BCKDHB: variants seen among roughly 807,000 people sequenced by gnomAD.
BCKDHB encodes the protein 2-oxoisovalerate dehydrogenase subunit beta, mitochondrial.
A neutral mutation model predicts 48.5 loss-of-function variants in BCKDHB; 41 were observed. That is an observed-to-expected ratio of 0.85 (90% CI 0.66 to 1.10). The LOEUF is 1.10. BCKDHB is among the 50% of genes least tolerant of loss of function. BCKDHB has a pLI of 0.00. For missense variants in BCKDHB, 496 were observed against 494.2 expected, an observed-to-expected ratio of 1.00 and a Z score of -0.03; for synonymous variants, 201 against 174.8, an observed-to-expected ratio of 1.15 and a Z score of -1.18.
chr6:80,378,337 G>C, the BCKDHB span, among the ~76,000 whole-genome samples: 1 of 152,052 alleles, frequency 6.6e-6, no homozygotes, highest in African/African-American at 2.4e-5. Context: ...CGTGATATTT[G>C]ATTTTCCACT....
At chr6:80,121,797 C>T (rs909610237) in intron 1 of BCKDHB, among the ~76,000 whole-genome samples, 29 of 152,142 alleles carry the variant, frequency 1.9e-4, no homozygotes, top group Non-Finnish European at 2.9e-5. Context: ...ATCTCATCTG[C>T]AAACAGGGAC....
chr6:80,445,539 T>A, the BCKDHB span, among the ~76,000 whole-genome samples: 1 of 152,140 alleles, frequency 6.6e-6, no homozygotes, highest in African/African-American at 2.4e-5. Context: ...ATCACAACTG[T>A]AAATATATCT....
the BCKDHB span, among the ~76,000 whole-genome samples, chr6:80,410,150 A>G: frequency 3.3e-5 from 5 of 152,136 alleles, no homozygotes; most frequent in Non-Finnish European, 7.3e-5. Flanking sequence ...TGGTGGTGAC[A>G]AAATCTCTCA....
chr6:80,194,439 C>T (rs912976916), intron 6 of BCKDHB, among the ~76,000 whole-genome samples: 11 of 152,174 alleles, frequency 7.2e-5, no homozygotes, highest in Non-Finnish European at 1.3e-4. Context: ...TCGTTAATTG[C>T]CCCACTAATG....
the BCKDHB span, among the ~76,000 whole-genome samples, chr6:80,391,121 C>T: frequency 1.3e-5 from 2 of 151,660 alleles, no homozygotes; most frequent in African/African-American, 4.8e-5. Context: ...AGGCAGCATT[C>T]CTCCCTCTGG....
At chr6:80,128,529 T>C (rs1770458948) in intron 2 of BCKDHB, among the ~76,000 whole-genome samples, 1 of 152,160 alleles carries the variant, frequency 6.6e-6, no homozygotes, top group South Asian at 2.1e-4. Context: ...GCTTACTGTG[T>C]CCTTCGTGCT....
chr6:80,452,972 G>T, the BCKDHB span, among the ~76,000 whole-genome samples: 122 of 152,158 alleles, frequency 8.0e-4, 1 homozygote, highest in African/African-American at 2.9e-3. Context: ...AGAGAAACAT[G>T]CATAGATAAA....
intron 8 of BCKDHB, among the ~76,000 whole-genome samples, chr6:80,230,229 G>A (rs1418873066): frequency 4.0e-5 from 6 of 150,704 alleles, no homozygotes; most frequent in East Asian, 2.0e-4. Flanking sequence ...TAGTAGAGAC[G>A]GGGTTTCACC....
intron 9 of BCKDHB, among the ~76,000 whole-genome samples, chr6:80,318,395 A>T (rs954632518): frequency 5.3e-5 from 8 of 152,260 alleles, no homozygotes; most frequent in African/African-American, 1.9e-4. Context: ...CACAGATCAA[A>T]AAAATTGGGG....
At chr6:80,335,414 C>G (rs895032110) in intron 9 of BCKDHB, among the ~76,000 whole-genome samples, 7 of 151,962 alleles carry the variant, frequency 4.6e-5, no homozygotes, top group Non-Finnish European at 1.0e-4. Flanking sequence ...CTTCCACATT[C>G]TAAGGAAATT....
chr6:80,220,304 G>GTTT (rs56967096), intron 8 of BCKDHB, among the ~76,000 whole-genome samples: 14,593 of 60,554 alleles, frequency 0.24, 2,578 homozygotes, highest in East Asian at 0.35. Flanking sequence ...CATGCTATTT[G>GTTT]TTTTTTTTTT....
intron 9 of BCKDHB, among the ~76,000 whole-genome samples, chr6:80,284,246 T>C (rs1404419354): frequency 2.6e-5 from 4 of 152,156 alleles, no homozygotes; most frequent in African/African-American, 9.6e-5. Context: ...TCACTACTGC[T>C]GATGCATTTT....
intron 2 of BCKDHB, 50 bp downstream of exon 2, chr6:80,127,674 T>G (rs761902383): frequency 1.3e-6 from 2 of 1,482,646 alleles, no homozygotes; most frequent in Admixed American, 1.7e-5. Context: ...ATTCCAGAAT[T>G]GAAGATTTGC....
At chr6:80,202,917 C>T (rs1248406699) in intron 7 of BCKDHB, among the ~76,000 whole-genome samples, 185 bp from the exon 8 acceptor site, 1 of 152,022 alleles carries the variant, frequency 6.6e-6, no homozygotes, top group Non-Finnish European at 1.5e-5. Context: ...GTTTTCTAGA[C>T]ATCTATACTT....
chr6:80,402,999 T>C, the BCKDHB span, among the ~76,000 whole-genome samples: 1 of 151,834 alleles, frequency 6.6e-6, no homozygotes, highest in Non-Finnish European at 1.5e-5. Context: ...CTGTTTTCAT[T>C]ATCATAGCTT....
At chr6:80,288,068 A>G (rs1228232902) in intron 9 of BCKDHB, among the ~76,000 whole-genome samples, 1 of 151,814 alleles carries the variant, frequency 6.6e-6, no homozygotes, top group African/African-American at 2.4e-5. Flanking sequence ...CGATAATATC[A>G]ATGATTCCTA....
chr6:80,437,373 G>T, the BCKDHB span, among the ~76,000 whole-genome samples: 270 of 151,222 alleles, frequency 1.8e-3, 1 homozygote, highest in Middle Eastern at 6.9e-3. Context: ...ACATGTATCC[G>T]CTGCCTTTTT....
At chr6:80,123,192 A>G (rs1413339085) in intron 1 of BCKDHB, among the ~76,000 whole-genome samples, 1 of 152,010 alleles carries the variant, frequency 6.6e-6, no homozygotes, top group Non-Finnish European at 1.5e-5. Context: ...TTGTTTTTCA[A>G]GGTGCACTGA....
chr6:80,113,567 G>A (rs2127709400), intron 1 of BCKDHB, among the ~76,000 whole-genome samples: 1 of 152,342 alleles, frequency 6.6e-6, no homozygotes, highest in African/African-American at 2.4e-5. Flanking sequence ...GCATTCCCCT[G>A]TATGGAGCAG....
Sources: allele counts gnomAD v4.1 joint callset (sites outside exome capture counted in the v4.1 genomes callset), GRCh38; gene constraint gnomAD v4.1.1; transcripts MANE v1.5; gene names NCBI Gene and HGNC (gene_info 2026-07-23, HGNC 2026-07-21).